The following TTC12 variants were observed in gnomAD, a reference collection of about 807,000 sequenced individuals.
TTC12 encodes the protein tetratricopeptide repeat protein 12.
TTC12 carries 70 observed loss-of-function variants against 90.1 expected under a neutral mutation model. That is an observed-to-expected ratio of 0.78 (90% CI 0.64 to 0.95). The LOEUF is 0.95. Among genes scored for constraint, TTC12 ranks in the 40% least tolerant of loss-of-function variants. TTC12 has a pLI of 0.00. For missense variants in TTC12, 819 were observed against 846.1 expected (o/e 0.97, Z 0.40); for synonymous variants, 296 against 311.5 (o/e 0.95, Z 0.53).
chr11:113,346,122 T>G (rs891660332), intron 13 of TTC12, among the ~76,000 whole-genome samples: 2 of 152,290 alleles, frequency 1.3e-5, no homozygotes, highest in African/African-American at 2.4e-5. Flanking sequence ...CCCACAATGT[T>G]TATCCTCAGA....
At chr11:113,368,125 GT>G (rs908408212), downstream of TTC12, 18 of 1,277,012 alleles carry the variant, frequency 1.4e-5, no homozygotes, top group Admixed American at 4.1e-4. Context: ...GCTATGATAG[GT>G]GTATTCTCTT....
Position 113,352,096 on chromosome 11 carries a change from C to G in TTC12, c.1335C>G (p.Ser445=), listed in dbSNP as rs782150931. 6.2e-7 allele frequency: 1 copy of G among 1,614,126 alleles called. No homozygotes were observed. Residue 445 remains serine, a synonymous_variant, in exon 16 of 22, where the codon TCC becomes TCG. Coordinates refer to ENST00000529221, the MANE Select transcript of TTC12 (RefSeq NM_017868.4). The part of the protein sequence containing the change: ...VLKTDPKVSS[S]SALCQCIAIM... ...AGACAGATCCCAAGGTAAGCAGCTC[C>G]TCGGCTCTGTGCCAGTGCATTGCCA...
chr11:113,352,261 C>A, intron 16 of TTC12, 54 bp downstream of exon 16: 2 of 1,610,184 alleles, frequency 1.2e-6, no homozygotes, highest in South Asian at 2.2e-5. Context: ...GGGGCATTAG[C>A]GTCTTCTTAG....
Position 113,352,155 on chromosome 11 carries a change from G to A in TTC12, c.1394G>A (p.Arg465Gln), listed in dbSNP as rs559449784. The part of the protein sequence containing the change: ...MGNLSAEPTT[R>Q]RHMAACEEFG... ...AACCTCAGTGCTGAGCCCACTACCC[G>A]AAGACACATGGCGGCCTGTGAGGAA... Residue 465 changes from arginine (R) to glutamine (Q), a missense_variant, in exon 16 of 22, where the codon CGA (arginine) becomes CAA (glutamine). By Grantham distance (43) the Arg-to-Gln change is conservative. Transcript: ENST00000529221. 10 of 1,614,242 alleles carry A rather than the reference G, an allele frequency of 6.2e-6. No individual in the cohort carries two copies. The highest frequency in any genetic ancestry group is 1.6e-4 in the Middle Eastern group (1 of 6,062).
chr11:113,351,471 C>A (rs1181999088), intron 15 of TTC12, among the ~76,000 whole-genome samples, 172 bp downstream of exon 15: 1 of 152,176 alleles, frequency 6.6e-6, no homozygotes, highest in Non-Finnish European at 1.5e-5. Flanking sequence ...ACAGGAGGGA[C>A]AGGTGGAGGT....
intron 16 of TTC12, among the ~76,000 whole-genome samples, chr11:113,355,974 A>G (rs1949612302): frequency 6.6e-6 from 1 of 152,188 alleles, no homozygotes; most frequent in Non-Finnish European, 1.5e-5. Flanking sequence ...ATCCAGTGCT[A>G]AGTTCAGGTC....
chr11:113,363,845 A>G lies in TTC12; in HGVS notation c.1734A>G (p.Ala578=), dbSNP rs536273999. 8 of 1,612,764 alleles carry G rather than the reference A, an allele frequency of 5.0e-6. No individual in the cohort carries two copies. Among genetic ancestry groups the G allele is most frequent in the Non-Finnish European group, 5.9e-6 (7 of 1,179,006 alleles). The change falls in exon 20 of 22, where the codon GCA becomes GCG. Residue 578 remains alanine, a synonymous_variant. Coordinates refer to ENST00000529221, the MANE Select transcript of TTC12 (RefSeq NM_017868.4). ...AAATCTAGACAGGAGGTGAGACTGCATCACGTTATGCTATAAAGATACTAG... is the reference window on the plus strand; with the variant it reads ...AAATCTAGACAGGAGGTGAGACTGCGTCACGTTATGCTATAAAGATACTAG... ...MKFLKTGGET[A]SRYAIKILAI...
chr11:113,362,169 C>T (rs1949972554), intron 18 of TTC12, among the ~76,000 whole-genome samples: 1 of 152,132 alleles, frequency 6.6e-6, no homozygotes, highest in Admixed American at 6.5e-5. Flanking sequence ...ACTGGTTGAT[C>T]CTGTGTGAAG....
intron 7 of TTC12, among the ~76,000 whole-genome samples, chr11:113,330,230 C>T (rs1418500639): frequency 6.6e-6 from 1 of 152,196 alleles, no homozygotes; most frequent in African/African-American, 2.4e-5. Flanking sequence ...TCAGCTCCTT[C>T]TTTACTATTG....
intron 1 of TTC12, among the ~76,000 whole-genome samples, chr11:113,315,384 C>T (rs1315413132): frequency 2.0e-5 from 3 of 152,156 alleles, no homozygotes; most frequent in African/African-American, 4.8e-5. Context: ...GACACTGAGA[C>T]TCGATTAAAT....
At chr11:113,316,403 G>A (rs1555135641) in intron 2 of TTC12, 88 bp downstream of exon 2, 1 of 585,402 alleles carries the variant, frequency 1.7e-6, no homozygotes, top group East Asian at 3.1e-5. Context: ...TGGCTTGACA[G>A]GTTTATAACT....
chr11:113,338,747 C>G, intron 8 of TTC12, 27 bp from the exon 9 acceptor site: 1 of 1,596,436 alleles, frequency 6.3e-7, no homozygotes, highest in Non-Finnish European at 8.6e-7. Flanking sequence ...CCCAACCACT[C>G]TTCAAGGTCT....
In TTC12 at chr11:113,344,286, G is replaced by C. The variant is rs782357269; in HGVS notation, c.1000G>C (p.Val334Leu). Residue 334 changes from valine (V) to leucine (L), a missense_variant, in exon 13 of 22, where the codon GTG becomes CTG. Physicochemically the swap from Val to Leu is conservative, Grantham distance 32. Transcript: ENST00000529221. ...GTGTTTTGCAGAGGAAAACCAGCGT[G>C]TGCTAGTGATACACCATGACAGGGC... is the stretch of plus-strand genomic sequence containing the variant. ...VCSRNEENQR[V>L]LVIHHDRARL... 1 of 1,613,088 alleles carries C rather than the reference G, an allele frequency of 6.2e-7. No homozygotes were observed. Among genetic ancestry groups the C allele is most frequent in the Non-Finnish European group, 8.5e-7 (1 of 1,179,352 alleles).
intron 12 of TTC12, among the ~76,000 whole-genome samples, chr11:113,344,036 C>T (rs975188188): frequency 3.9e-5 from 6 of 152,094 alleles, no homozygotes; most frequent in East Asian, 1.9e-4. Context: ...TAGGTAGGAA[C>T]GTAATCCTCA....
At chr11:113,326,058 G>A (rs995733114) in intron 6 of TTC12, among the ~76,000 whole-genome samples, 15 of 152,090 alleles carry the variant, frequency 9.9e-5, no homozygotes, top group Non-Finnish European at 1.8e-4. Context: ...AACTCCTAGC[G>A]GATGCCCACC....
chr11:113,344,286 G>A lies in TTC12; in HGVS notation c.1000G>A (p.Val334Met), dbSNP rs782357269. ...GTGTTTTGCAGAGGAAAACCAGCGT[G>A]TGCTAGTGATACACCATGACAGGGC... is the stretch of plus-strand genomic sequence containing the variant. ...VCSRNEENQR[V>M]LVIHHDRARL... The change falls in exon 13 of 22, where the codon GTG becomes ATG. Residue 334 changes from valine (V) to methionine (M), a missense_variant. By Grantham distance (21) the Val-to-Met change is conservative. Transcript: ENST00000529221. The A allele has an allele frequency of 2.5e-6, 4 of 1,613,088 alleles. No homozygotes were observed. The Admixed American group carries it at 5.0e-5, about 20-fold the overall frequency.
chr11:113,361,171 G>A (rs1949902577), intron 18 of TTC12, among the ~76,000 whole-genome samples: 1 of 152,186 alleles, frequency 6.6e-6, no homozygotes, highest in Admixed American at 6.5e-5. Flanking sequence ...GGGATCCGTG[G>A]TGTCAACTAT....
chr11:113,373,230 C>A, exon 22 of TTC12: 1 of 985,382 alleles, frequency 1.0e-6, no homozygotes, highest in South Asian at 4.7e-5. Flanking sequence ...TGCGATTCAT[C>A]CTTTCCCTGA....
At chr11:113,373,200 A>G (rs1213948382) in exon 22 of TTC12, 18 of 985,238 alleles carry the variant, frequency 1.8e-5, no homozygotes, top group Non-Finnish European at 2.2e-5. Flanking sequence ...CCCACTCCAC[A>G]TGCAACTGTC....
Sources: gnomAD v4.1 joint callset for allele counts (sites outside exome capture counted in the v4.1 genomes callset) on GRCh38, gnomAD v4.1.1 for gene constraint, MANE v1.5 for transcripts, NCBI Gene and HGNC (gene_info 2026-07-23, HGNC 2026-07-21) for gene names.